The following B3GALNT2 variants were observed in gnomAD, a reference collection of about 807,000 sequenced individuals.
The protein encoded by B3GALNT2 is UDP-GalNAc:beta-1,3-N-acetylgalactosaminyltransferase 2.
A neutral mutation model predicts 61.1 loss-of-function variants in B3GALNT2; 53 were observed. The observed-to-expected ratio is 0.87, with a 90% confidence interval of 0.70 to 1.09. B3GALNT2 has a LOEUF of 1.09. B3GALNT2 is among the 50% of genes least tolerant of loss of function. B3GALNT2 has a pLI of 0.00. For missense variants in B3GALNT2, 544 were observed against 623.0 expected (o/e 0.87, Z 1.35); for synonymous variants, 223 against 237.4 (o/e 0.94, Z 0.56).
chr1:235,440,389 C>T, the B3GALNT2 span, among the ~76,000 whole-genome samples: 3 of 151,586 alleles, frequency 2.0e-5, no homozygotes, highest in Non-Finnish European at 4.4e-5. Context: ...CTGAGGCATC[C>T]GTATATATAT....
In B3GALNT2 at chr1:235,447,299, A is replaced by ATGTT. The variant is rs1166351331; in HGVS notation, c.*2903_*2906dup. Among the ~76,000 whole-genome samples the ATGTT allele has an allele frequency of 2.0e-5, 3 of 152,256 alleles. No homozygotes were observed. The highest frequency in any genetic ancestry group is 4.4e-5 in the Non-Finnish European group (3 of 68,036). On this transcript the variant is annotated 3_prime_UTR_variant, in exon 12 of 12. Transcript: ENST00000366600. Reference sequence around the variant, plus strand: ...CAAAAATGATTTTTGATAGAAAAATATGTTTGAATACACTGTGATATTTGT... The same window carrying ATGTT: ...CAAAAATGATTTTTGATAGAAAAATATGTTTGTTTGAATACACTGTGATATTTGT...
downstream of B3GALNT2, among the ~76,000 whole-genome samples, chr1:235,445,011 G>A (rs1377232339): frequency 6.6e-6 from 1 of 152,212 alleles, no homozygotes; most frequent in African/African-American, 2.4e-5. Context: ...CAGGTCTTCT[G>A]AGATTCAGTT....
At chr1:235,496,320 A>G in intron 1 of B3GALNT2, 1 of 1,048,032 alleles carries the variant, frequency 9.5e-7, no homozygotes, top group Non-Finnish European at 1.2e-6. Flanking sequence ...TGAAAAAAAA[A>G]AAAAAGTTCC....
Position 235,450,162 on chromosome 1 carries a change from C to G in B3GALNT2, c.*44G>C. The G allele has an allele frequency of 6.2e-7, 1 of 1,609,674 alleles. No individual in the cohort carries two copies. Among genetic ancestry groups the G allele is most frequent in the South Asian group, 1.1e-5 (1 of 90,944 alleles). On this transcript the variant is annotated 3_prime_UTR_variant, in exon 12 of 12. Transcript: ENST00000366600. ...CTCCTCAGACTTGCACTCAGATTATCGTTTGCCTGCCCTGATTTTAGACTC... is the reference window on the plus strand; with the variant it reads ...CTCCTCAGACTTGCACTCAGATTATGGTTTGCCTGCCCTGATTTTAGACTC...
At chr1:235,442,869 C>G, downstream of B3GALNT2, 3 of 1,613,762 alleles carry the variant, frequency 1.9e-6, no homozygotes, top group South Asian at 2.2e-5. Flanking sequence ...GATAAAATAC[C>G]CTCATCAACT....
At chr1:235,479,057 T>C (rs1046026425) in intron 5 of B3GALNT2, 6 of 152,084 alleles carry the variant, frequency 3.9e-5, no homozygotes, top group Non-Finnish European at 2.9e-5. Context: ...CAGATACAAA[T>C]GAAAAGGAGA....
In B3GALNT2 at chr1:235,454,320, G is replaced by C. The variant is rs767643583; in HGVS notation, c.1152-5C>G. The C allele has an allele frequency of 6.2e-7, 1 of 1,605,884 alleles. No homozygotes were observed. The highest frequency in any genetic ancestry group is 8.5e-7 in the Non-Finnish European group (1 of 1,175,546). On this transcript the variant is annotated splice_polypyrimidine_tract_variant and splice_region_variant and intron_variant, in intron 9 of 11. Transcript: ENST00000366600. ...ACTGCCCAATTCAGTCTGAAACTGAGATGAAAAATAATGTGGCCTCTTGTG... is the reference window on the plus strand; with the variant it reads ...ACTGCCCAATTCAGTCTGAAACTGACATGAAAAATAATGTGGCCTCTTGTG...
At chr1:235,462,946 T>C (rs834142) in intron 7 of B3GALNT2, among the ~76,000 whole-genome samples, 112,628 of 152,170 alleles carry the variant, frequency 0.74, 42,844 homozygotes, top group African/African-American at 0.93. Context: ...TATAGCAGCA[T>C]AATTTGCAAC....
chr1:235,448,497 A>G lies in B3GALNT2; in HGVS notation c.*1709T>C. ...TCAAGCTTAGTCCTCGTATTATGAC[A>G]TTAAACTGTCTCTAGATAGCAACAG... On this transcript the variant is annotated 3_prime_UTR_variant, in exon 12 of 12. Transcript: ENST00000366600. The G allele has an allele frequency of 6.5e-7, 1 of 1,534,798 alleles. No homozygotes were observed. The highest frequency in any genetic ancestry group is 2.2e-5 in the East Asian group (1 of 44,532).
At chr1:235,481,381 C>T (rs1195421021) in intron 4 of B3GALNT2, among the ~76,000 whole-genome samples, 2 of 152,196 alleles carry the variant, frequency 1.3e-5, no homozygotes, top group African/African-American at 4.8e-5. Context: ...ACTCTGTCAC[C>T]TAGGCTGGAG....
At chr1:235,479,826 G>A (rs1164114404) in intron 5 of B3GALNT2, 1 of 466,852 alleles carries the variant, frequency 2.1e-6, no homozygotes, top group Admixed American at 3.9e-5. Context: ...ACGGAAACAT[G>A]CAATGTTTTT....
Position 235,448,391 on chromosome 1 carries a change from T to G in B3GALNT2, c.*1815A>C. The G allele has an allele frequency of 6.2e-7, 1 of 1,614,164 alleles. No individual in the cohort carries two copies. Among genetic ancestry groups the G allele is most frequent in the East Asian group, 2.2e-5 (1 of 44,886 alleles). On this transcript the variant is annotated 3_prime_UTR_variant, in exon 12 of 12. Coordinates refer to ENST00000366600, the MANE Select transcript of B3GALNT2 (RefSeq NM_152490.5). ...AAGGTGAAGGGATTGCTGTCACGTC[T>G]TCTCAAAGTTCCTGTGTCAGACCTT...
At chr1:235,491,420 T>G (rs1685061145) in intron 2 of B3GALNT2, among the ~76,000 whole-genome samples, 1 of 152,334 alleles carries the variant, frequency 6.6e-6, no homozygotes, top group South Asian at 2.1e-4. Context: ...GTCAATAAAA[T>G]TTATAATAAA....
intron 3 of B3GALNT2, among the ~76,000 whole-genome samples, chr1:235,487,576 T>G (rs1172186802): frequency 6.6e-6 from 1 of 152,172 alleles, no homozygotes; most frequent in Non-Finnish European, 1.5e-5. Flanking sequence ...CTTATAAAAG[T>G]GAGGTGTTAC....
At chr1:235,473,064 G>A (rs1460021407) in intron 5 of B3GALNT2, among the ~76,000 whole-genome samples, 1 of 152,044 alleles carries the variant, frequency 6.6e-6, no homozygotes, top group African/African-American at 2.4e-5. Flanking sequence ...ACAGGAATGT[G>A]CCACCATGCC....
At chr1:235,462,801 T>G (rs1335327243) in intron 7 of B3GALNT2, among the ~76,000 whole-genome samples, 1 of 152,196 alleles carries the variant, frequency 6.6e-6, no homozygotes, top group Non-Finnish European at 1.5e-5. Context: ...CTGATGGGAA[T>G]GTGAACTAGT....
chr1:235,496,651 T>C (rs927305582), intron 1 of B3GALNT2, among the ~76,000 whole-genome samples: 2 of 151,782 alleles, frequency 1.3e-5, no homozygotes, highest in African/African-American at 4.8e-5. Flanking sequence ...GTTCAAGTGA[T>C]TCTCCTGCCT....
intron 5 of B3GALNT2, among the ~76,000 whole-genome samples, chr1:235,474,328 A>G (rs1028118922): frequency 6.6e-6 from 1 of 152,356 alleles, no homozygotes; most frequent in East Asian, 1.9e-4. Context: ...ATGAGATATC[A>G]TATCTATCTC....
At chr1:235,467,360 T>A (rs1379049511) in intron 6 of B3GALNT2, among the ~76,000 whole-genome samples, 2 of 150,950 alleles carry the variant, frequency 1.3e-5, no homozygotes, top group Non-Finnish European at 3.0e-5. Flanking sequence ...AAAAAATAAA[T>A]AAAATAAAAT....
Sources: allele counts gnomAD v4.1 joint callset (sites outside exome capture counted in the v4.1 genomes callset), GRCh38; gene constraint gnomAD v4.1.1; transcripts MANE v1.5; gene names NCBI Gene and HGNC (gene_info 2026-07-23, HGNC 2026-07-21).